The following PLEKHA1 variants were observed in gnomAD, a reference collection of about 807,000 sequenced individuals.
PLEKHA1 encodes pleckstrin homology domain containing A1.
In PLEKHA1, 34 loss-of-function variants were observed where a neutral mutation model predicts 52.0. The observed-to-expected ratio is 0.65, with a 90% confidence interval of 0.50 to 0.87. PLEKHA1 has a LOEUF of 0.87. Ranked by LOEUF, PLEKHA1 falls within the 40% of genes least tolerant of loss-of-function variation. The probability of loss-of-function intolerance (pLI) is 0.00; values close to 1 mark genes in which losing one functional copy is unlikely to be tolerated. For synonymous variants in PLEKHA1, 163 were observed against 170.7 expected (o/e 0.95, Z 0.35); for missense variants, 497 against 504.2 (o/e 0.99, Z 0.14).
At chr10:122,416,328 G>A (rs1245730527) in intron 7 of PLEKHA1, among the ~76,000 whole-genome samples, 1 of 152,126 alleles carries the variant, frequency 6.6e-6, no homozygotes, top group East Asian at 1.9e-4. Context: ...AAAGAGAGCT[G>A]TTGTGGGGAG....
chr10:122,395,957 T>G (rs2096843800), intron 2 of PLEKHA1, among the ~76,000 whole-genome samples: 1 of 152,184 alleles, frequency 6.6e-6, no homozygotes, highest in African/African-American at 2.4e-5. Flanking sequence ...CCTTTTTTTC[T>G]TAAATGTTCT....
At chr10:122,386,952 A>G (rs2096708194) in intron 1 of PLEKHA1, 2 of 152,068 alleles carry the variant, frequency 1.3e-5, no homozygotes, top group South Asian at 4.1e-4. Flanking sequence ...TGTTTTTTCA[A>G]AGAATTTGTT....
At chr10:122,401,914 T>C (rs2096935089) in intron 4 of PLEKHA1, among the ~76,000 whole-genome samples, 1 of 152,210 alleles carries the variant, frequency 6.6e-6, no homozygotes, top group African/African-American at 2.4e-5. Flanking sequence ...AGGAATAGCA[T>C]CTTGATATGA....
At chr10:122,435,510 T>C (rs950867473), downstream of PLEKHA1, 1 of 152,222 alleles carries the variant, frequency 6.6e-6, no homozygotes, top group African/African-American at 2.4e-5. Flanking sequence ...TTAGATAAGA[T>C]ATGTGATTGC....
At chr10:122,390,318 C>T (rs1371686724) in intron 1 of PLEKHA1, among the ~76,000 whole-genome samples, 1 of 152,220 alleles carries the variant, frequency 6.6e-6, no homozygotes, top group Non-Finnish European at 1.5e-5. Flanking sequence ...AGCTGTTTCA[C>T]TTACCATTCT....
chr10:122,413,067 T>C, intron 6 of PLEKHA1, 22 bp downstream of exon 6: 1 of 1,598,374 alleles, frequency 6.3e-7, no homozygotes, highest in Non-Finnish European at 8.6e-7. Flanking sequence ...ACTCTTCTAT[T>C]GTGTGAGGGT....
At chr10:122,416,979 A>C (rs2097184806) in intron 7 of PLEKHA1, 1 of 154,378 alleles carries the variant, frequency 6.5e-6, no homozygotes, top group Non-Finnish European at 1.5e-5. Flanking sequence ...CAGAATTCTC[A>C]TCAGGCTGTG....
intron 10 of PLEKHA1, among the ~76,000 whole-genome samples, chr10:122,426,246 T>C (rs1354414131): frequency 6.6e-6 from 1 of 152,192 alleles, no homozygotes; most frequent in Non-Finnish European, 1.5e-5. Flanking sequence ...GAATTGTATT[T>C]CCATTAGTAA....
intron 4 of PLEKHA1, among the ~76,000 whole-genome samples, chr10:122,404,925 G>C (rs1347082982): frequency 7.2e-5 from 11 of 152,144 alleles, no homozygotes; most frequent in Admixed American, 7.2e-4. Flanking sequence ...CTGTGTGCTA[G>C]TATATCTTTT....
At chr10:122,428,617 A>G (rs983553646) in intron 11 of PLEKHA1, among the ~76,000 whole-genome samples, 4 of 152,228 alleles carry the variant, frequency 2.6e-5, no homozygotes, top group African/African-American at 7.2e-5. Context: ...TCAATTTTAT[A>G]TTATGTATTT....
At chr10:122,413,101 A>G in intron 6 of PLEKHA1, 56 bp downstream of exon 6, 2 of 1,452,618 alleles carry the variant, frequency 1.4e-6, no homozygotes, top group Non-Finnish European at 1.9e-6. Flanking sequence ...ATTGATTTTT[A>G]TATTATTAAA....
intron 2 of PLEKHA1, among the ~76,000 whole-genome samples, chr10:122,396,113 A>G (rs1000121943): frequency 1.3e-5 from 2 of 152,034 alleles, no homozygotes; most frequent in African/African-American, 2.4e-5. Context: ...ATTTCCCCAT[A>G]GTGTACTACT....
intron 8 of PLEKHA1, chr10:122,422,302 G>T (rs1333769409): frequency 6.6e-6 from 1 of 152,128 alleles, no homozygotes; most frequent in Non-Finnish European, 1.5e-5. Context: ...ATTATGATGG[G>T]AAACCTGGTA....
At chr10:122,428,511 A>G in intron 11 of PLEKHA1, 1 of 1,134,326 alleles carries the variant, frequency 8.8e-7, no homozygotes, top group Non-Finnish European at 1.1e-6. Flanking sequence ...CAGGTTGGAT[A>G]TGTGTATTTA....
intron 1 of PLEKHA1, chr10:122,387,268 T>G (rs2096712869): frequency 6.6e-6 from 1 of 152,172 alleles, no homozygotes; most frequent in African/African-American, 2.4e-5. Flanking sequence ...CCTTTTCTAA[T>G]AAAAATATCT....
intron 4 of PLEKHA1, 29 bp from the exon 5 acceptor site, chr10:122,406,547 T>C (rs900298929): frequency 2.0e-6 from 3 of 1,529,134 alleles, no homozygotes; most frequent in African/African-American, 2.7e-5. Flanking sequence ...AAGTACAATA[T>C]TTGGTGTGTT....
chr10:122,376,658 C>G (rs1335024267), intron 1 of PLEKHA1, among the ~76,000 whole-genome samples: 1 of 151,824 alleles, frequency 6.6e-6, no homozygotes, highest in East Asian at 1.9e-4. Context: ...ATCTTTTTTT[C>G]TCCCCAGTTT....
At chr10:122,407,290 G>A (rs930848023) in intron 5 of PLEKHA1, among the ~76,000 whole-genome samples, 2 of 152,064 alleles carry the variant, frequency 1.3e-5, no homozygotes, top group African/African-American at 4.8e-5. Flanking sequence ...CCTTTCCCAT[G>A]CTACAATTTC....
intron 11 of PLEKHA1, among the ~76,000 whole-genome samples, chr10:122,427,551 A>G (rs2097357330): frequency 6.6e-6 from 1 of 152,148 alleles, no homozygotes; most frequent in South Asian, 2.1e-4. Flanking sequence ...CAGTGTTTCC[A>G]TTTCATGTTT....
Sources: allele counts gnomAD v4.1 joint callset (sites outside exome capture counted in the v4.1 genomes callset), GRCh38; gene constraint gnomAD v4.1.1; transcripts MANE v1.5; gene names NCBI Gene and HGNC (gene_info 2026-07-23, HGNC 2026-07-21).